KALRN: variants seen among roughly 807,000 people sequenced by gnomAD.
The protein encoded by KALRN is kalirin.
Under a neutral mutation model 353.7 loss-of-function variants are expected in KALRN, and 70 were observed. That is an observed-to-expected ratio of 0.20 (90% CI 0.16 to 0.24). The LOEUF (loss-of-function observed/expected upper bound fraction) is 0.24, where lower values mean the gene tolerates loss of function less well. Ranked by LOEUF, KALRN falls within the 10% of genes least tolerant of loss-of-function variation. The probability of loss-of-function intolerance (pLI) is 1.00; values close to 1 mark genes in which losing one functional copy is unlikely to be tolerated. For missense variants in KALRN, 2,791 were observed against 3,756.7 expected (o/e 0.74, Z 6.72); for synonymous variants, 1,391 against 1,434.8 (o/e 0.97, Z 0.69).
intron 36 of KALRN, among the ~76,000 whole-genome samples, chr3:124,634,994 A>T (rs769633445): frequency 6.6e-6 from 1 of 152,206 alleles, no homozygotes; most frequent in Non-Finnish European, 1.5e-5. Flanking sequence ...CACAGACATT[A>T]ACTGAAGTCT....
chr3:124,322,394 A>C (rs2079428446), intron 6 of KALRN, among the ~76,000 whole-genome samples: 1 of 152,206 alleles, frequency 6.6e-6, no homozygotes, highest in Non-Finnish European at 1.5e-5. Context: ...ACCAAAACTC[A>C]TGACTCTTGA....
chr3:124,190,277 C>T (rs1407213790), intron 1 of KALRN, among the ~76,000 whole-genome samples: 2 of 152,152 alleles, frequency 1.3e-5, no homozygotes, highest in East Asian at 3.9e-4. Flanking sequence ...CCACTGCTCC[C>T]CTGAACCCTT....
intron 55 of KALRN, 145 bp from the exon 56 acceptor site, chr3:124,699,724 C>A: frequency 1.4e-6 from 1 of 728,248 alleles, no homozygotes; most frequent in Non-Finnish European, 2.3e-6. Context: ...CATAGTTAGC[C>A]TACAGGCTTT....
chr3:124,659,055 C>A (rs1358312792), intron 42 of KALRN, among the ~76,000 whole-genome samples: 1 of 151,372 alleles, frequency 6.6e-6, no homozygotes, highest in African/African-American at 2.4e-5. Flanking sequence ...TTTTCCCTGC[C>A]TTTGCCCTGA....
At chr3:124,197,586 C>T (rs936394166) in intron 1 of KALRN, among the ~76,000 whole-genome samples, 6 of 152,196 alleles carry the variant, frequency 3.9e-5, no homozygotes, top group African/African-American at 1.4e-4. Flanking sequence ...GCCTGGTTCA[C>T]CCTCCAGCCC....
intron 1 of KALRN, among the ~76,000 whole-genome samples, chr3:124,072,691 G>A (rs933523163): frequency 6.6e-6 from 1 of 152,232 alleles, no homozygotes; most frequent in African/African-American, 2.4e-5. Flanking sequence ...TTGCAAATAC[G>A]TGAAGCAAAA....
chr3:124,552,193 G>A (rs1317420732), intron 33 of KALRN, among the ~76,000 whole-genome samples: 1 of 152,146 alleles, frequency 6.6e-6, no homozygotes, highest in Non-Finnish European at 1.5e-5. Flanking sequence ...AGGAGTATTT[G>A]CTTTCTGAAT....
At chr3:124,380,550 C>G (rs2087210040) in intron 10 of KALRN, among the ~76,000 whole-genome samples, 1 of 152,150 alleles carries the variant, frequency 6.6e-6, no homozygotes, top group Non-Finnish European at 1.5e-5. Flanking sequence ...CCATTTTTGG[C>G]ATATCTGTTG....
chr3:124,490,929 G>T, intron 30 of KALRN, 45 bp downstream of exon 30: 1 of 1,539,754 alleles, frequency 6.5e-7, no homozygotes, highest in South Asian at 1.2e-5. Context: ...TGCTTTCATA[G>T]AACCCATGGG....
Position 124,719,754 on chromosome 3 carries a change from G to A in KALRN, c.*284G>A, listed in dbSNP as rs542277564. The A allele has an allele frequency of 4.9e-4, 143 of 292,220 alleles. No homozygotes were observed. The highest frequency in any genetic ancestry group is 2.7e-3 in the African/African-American group (128 of 47,522). 18.1% of individuals were successfully genotyped at this position (292,220 alleles called of 1,614,324 possible). ...AGATAAGAACAATATTAGCTGTTAC[G>A]AAATTTTAACTGTATCTTCCAAAAT... On this transcript the variant is annotated 3_prime_UTR_variant, in exon 60 of 60. Coordinates refer to ENST00000682506, the MANE Select transcript of KALRN (RefSeq NM_001388419.1). This position sits in a 1 kb window ranked among gnomAD's most constrained non-coding sequence, Gnocchi z 5.3.
chr3:124,107,170 C>T (rs2062388690), intron 1 of KALRN, among the ~76,000 whole-genome samples: 1 of 152,078 alleles, frequency 6.6e-6, no homozygotes, highest in African/African-American at 2.4e-5. Context: ...ATAATGAGCT[C>T]CATATTTTAT....
chr3:124,660,781 C>T, intron 43 of KALRN, 142 bp from the exon 44 acceptor site: 2 of 567,734 alleles, frequency 3.5e-6, no homozygotes, highest in South Asian at 4.4e-5. Context: ...AATTTCATTT[C>T]TCAGCTACTC....
chr3:124,597,057 CAAA>C (rs2076339080), intron 34 of KALRN, among the ~76,000 whole-genome samples: 1 of 135,546 alleles, frequency 7.4e-6, no homozygotes, highest in Non-Finnish European at 1.6e-5. Context: ...TAAAAAAAAA[CAAA>C]AACAAAAACA....
At position 124,709,977 on chromosome 3, in the gene KALRN, G is replaced by A. The variant is rs115627408; in HGVS notation, c.8076-2958G>A. ...AGGAATCATAATGCTTTAGACATTA[G>A]CAGTCAACATTACCAGCAACAATAG... On this transcript the variant is annotated intron_variant, in intron 57 of 59. Coordinates refer to ENST00000682506, the MANE Select transcript of KALRN (RefSeq NM_001388419.1). Among the ~76,000 whole-genome samples, 1,068 of 152,332 alleles carry A rather than the reference G, an allele frequency of 7.0e-3. 13 individuals carry two copies. Among genetic ancestry groups the A allele is most frequent in the African/African-American group, 0.023 (957 of 41,568 alleles).
At chr3:124,579,807 T>A (rs993014544) in intron 34 of KALRN, among the ~76,000 whole-genome samples, 1 of 152,198 alleles carries the variant, frequency 6.6e-6, no homozygotes, top group Non-Finnish European at 1.5e-5. Flanking sequence ...ATGTTCTTGC[T>A]AAGATCACAA....
chr3:124,683,374 G>A (rs17307972), intron 51 of KALRN, among the ~76,000 whole-genome samples: 1 of 152,086 alleles, frequency 6.6e-6, no homozygotes, highest in South Asian at 2.1e-4. Context: ...GGTGAGGCAG[G>A]TTTCCACCTT....
chr3:124,610,986 T>C (rs2077887843), intron 34 of KALRN, among the ~76,000 whole-genome samples: 2 of 152,256 alleles, frequency 1.3e-5, no homozygotes, highest in East Asian at 3.9e-4. Flanking sequence ...GGCATGCCAC[T>C]GCACTCCAGC....
In KALRN at chr3:124,035,959, A is replaced by G. The variant is rs141179070; in HGVS notation, c.73+2146A>G. Among the ~76,000 whole-genome samples the G allele has an allele frequency of 2.7e-3, 406 of 152,304 alleles. 1 individual carries two copies. Among genetic ancestry groups the G allele is most frequent in the African/African-American group, 9.2e-3 (382 of 41,560 alleles). On this transcript the variant is annotated intron_variant, in intron 1 of 59. Transcript: ENST00000682506. ...AGGGGGTAGGTCAAGGACTACATCC[A>G]CCCTGTGTGGCCCTCTATGCTTGGC... is the stretch of plus-strand genomic sequence containing the variant.
chr3:124,356,217 T>G (rs2083387715), intron 10 of KALRN, among the ~76,000 whole-genome samples: 1 of 152,152 alleles, frequency 6.6e-6, no homozygotes. Flanking sequence ...CCACTGAGGT[T>G]AATCTTACCA....
Sources: allele counts gnomAD v4.1 joint callset (sites outside exome capture counted in the v4.1 genomes callset), GRCh38; gene constraint gnomAD v4.1.1; non-coding constraint Gnocchi (gnomAD v3.1); transcripts MANE v1.5; gene names NCBI Gene and HGNC (gene_info 2026-07-23, HGNC 2026-07-21).